PRKCA: variants seen among roughly 807,000 people sequenced by gnomAD.
The protein encoded by PRKCA is protein kinase C alpha type.
PRKCA carries 27 observed loss-of-function variants against 87.0 expected under a neutral mutation model. The observed-to-expected ratio is 0.31, with a 90% CI of 0.23 to 0.43. The LOEUF is 0.43. Among genes scored for constraint, PRKCA ranks in the 20% least tolerant of loss-of-function variants. The probability of loss-of-function intolerance (pLI) is 1.00; values close to 1 mark genes in which losing one functional copy is unlikely to be tolerated. For synonymous variants in PRKCA, 329 were observed against 311.1 expected, an observed-to-expected ratio of 1.06 and a Z score of -0.61; for missense variants, 518 against 852.3, an observed-to-expected ratio of 0.61 and a Z score of 4.88.
intron 3 of PRKCA, among the ~76,000 whole-genome samples, chr17:66,579,894 AC>A (rs758820812): frequency 2.0e-5 from 3 of 151,994 alleles, no homozygotes; most frequent in Admixed American, 6.6e-5. Flanking sequence ...CGGGGGTTGG[AC>A]TTCCCTCCTT....
intron 2 of PRKCA, among the ~76,000 whole-genome samples, chr17:66,377,717 A>T (rs1181851110): frequency 0.03 from 1,625 of 53,442 alleles, 93 homozygotes; most frequent in African/African-American, 0.091. Context: ...ATATATATAT[A>T]TATATTTTTT....
chr17:66,488,625 A>T (rs1451598119), intron 2 of PRKCA, among the ~76,000 whole-genome samples: 1 of 152,212 alleles, frequency 6.6e-6, no homozygotes, highest in Non-Finnish European at 1.5e-5. Flanking sequence ...TCTTTGTTGA[A>T]ATTAGAGAAA....
chr17:66,653,705 C>T (rs550034637), intron 5 of PRKCA, among the ~76,000 whole-genome samples: 2 of 151,700 alleles, frequency 1.3e-5, no homozygotes, highest in African/African-American at 4.8e-5. Flanking sequence ...CATCTCCCCT[C>T]CCCTTGGATA....
At chr17:66,524,769 T>C (rs1286613512) in intron 3 of PRKCA, among the ~76,000 whole-genome samples, 1 of 152,134 alleles carries the variant, frequency 6.6e-6, no homozygotes, top group Non-Finnish European at 1.5e-5. Flanking sequence ...TTGCCCCAGG[T>C]GAGGAGGAGT....
At chr17:66,666,382 T>C (rs1380365193) in intron 5 of PRKCA, among the ~76,000 whole-genome samples, 2 of 152,230 alleles carry the variant, frequency 1.3e-5, no homozygotes, top group Non-Finnish European at 2.9e-5. Flanking sequence ...ATGCCGCTCC[T>C]TGGACCTGTG....
intron 3 of PRKCA, among the ~76,000 whole-genome samples, chr17:66,505,277 G>A (rs1916924793): frequency 6.6e-6 from 1 of 152,202 alleles, no homozygotes; most frequent in Non-Finnish European, 1.5e-5. Context: ...AAAGGAGACA[G>A]TGGGGGAGTG....
chr17:66,368,892 G>C (rs1567793471), intron 2 of PRKCA, among the ~76,000 whole-genome samples: 1 of 152,166 alleles, frequency 6.6e-6, no homozygotes, highest in African/African-American at 2.4e-5. Flanking sequence ...TCCCTGGCCT[G>C]GCCCAAATTA....
At chr17:66,359,016 C>T (rs551367733) in intron 2 of PRKCA, among the ~76,000 whole-genome samples, 19 of 149,946 alleles carry the variant, frequency 1.3e-4, no homozygotes, top group African/African-American at 2.7e-4. Flanking sequence ...TGACTTTCGA[C>T]GTAGTCCTTG....
chr17:66,633,976 T>A (rs1173436509), intron 3 of PRKCA, among the ~76,000 whole-genome samples: 1 of 152,230 alleles, frequency 6.6e-6, no homozygotes, highest in East Asian at 1.9e-4. Context: ...GGAAATGTGA[T>A]GCCCGGTCAG....
chr17:66,365,150 A>G (rs1020745865), intron 2 of PRKCA, among the ~76,000 whole-genome samples: 1 of 152,202 alleles, frequency 6.6e-6, no homozygotes, highest in Non-Finnish European at 1.5e-5. Flanking sequence ...TCGCCTTTAT[A>G]AGTGGAGTTT....
intron 16 of PRKCA, among the ~76,000 whole-genome samples, chr17:66,789,285 A>G (rs566627627): frequency 4.3e-4 from 65 of 152,250 alleles, no homozygotes; most frequent in African/African-American, 1.5e-3. Context: ...TTAGGTCTGG[A>G]CTTTGTGGAC....
chr17:66,516,496 G>A (rs1966975539), intron 3 of PRKCA, among the ~76,000 whole-genome samples: 1 of 152,120 alleles, frequency 6.6e-6, no homozygotes, highest in African/African-American at 2.4e-5. Flanking sequence ...AGCCAGGCGT[G>A]ATGGTGGGTG....
At chr17:66,665,061 C>T (rs1009515267) in intron 5 of PRKCA, among the ~76,000 whole-genome samples, 1 of 152,122 alleles carries the variant, frequency 6.6e-6, no homozygotes, top group Non-Finnish European at 1.5e-5. Flanking sequence ...CTCATGGTGC[C>T]TGGGACCCAG....
At chr17:66,784,317 C>T (rs1410009679) in intron 14 of PRKCA, among the ~76,000 whole-genome samples, 2 of 152,188 alleles carry the variant, frequency 1.3e-5, no homozygotes, top group Non-Finnish European at 2.9e-5. Context: ...GCAATCTCAG[C>T]TCAGTGCAAC....
chr17:66,770,384 A>G (rs1974907173), intron 13 of PRKCA, among the ~76,000 whole-genome samples: 1 of 152,224 alleles, frequency 6.6e-6, no homozygotes, highest in Non-Finnish European at 1.5e-5. Context: ...CAATTTTTTA[A>G]TCTAGGCAAT....
At chr17:66,708,536 G>A (rs1000977030) in intron 8 of PRKCA, among the ~76,000 whole-genome samples, 1 of 152,170 alleles carries the variant, frequency 6.6e-6, no homozygotes, top group African/African-American at 2.4e-5. Flanking sequence ...CCCAGTGGCT[G>A]CCGGAAGGCT....
Position 66,783,696 on chromosome 17 carries a change from G to T in PRKCA, c.1606-3171G>T, listed in dbSNP as rs145417674. The stretch of plus-strand genomic sequence containing the variant: ...ATTGACCTAATCGTCTTCAAATGAG[G>T]AGAAGCTTCTCACTACCCTACTCAA... On this transcript the variant is annotated intron_variant, in intron 14 of 16. Transcript: ENST00000413366. Among the ~76,000 whole-genome samples the T allele has an allele frequency of 2.1e-3, 317 of 152,334 alleles. 1 individual carries two copies. Among genetic ancestry groups the T allele is most frequent in the African/African-American group, 7.4e-3 (307 of 41,578 alleles).
intron 2 of PRKCA, among the ~76,000 whole-genome samples, chr17:66,307,832 A>C (rs1904902083): frequency 6.6e-6 from 1 of 152,214 alleles, no homozygotes; most frequent in Non-Finnish European, 1.5e-5. Context: ...GTATAAAATA[A>C]AAAGTGAAAT....
chr17:66,691,684 A>G (rs1337364984), intron 8 of PRKCA, among the ~76,000 whole-genome samples: 3 of 152,148 alleles, frequency 2.0e-5, no homozygotes, highest in African/African-American at 7.2e-5. Context: ...CAGGCAGGGG[A>G]GGAACCTGAG....
Sources: allele counts gnomAD v4.1 joint callset (sites outside exome capture counted in the v4.1 genomes callset), GRCh38; gene constraint gnomAD v4.1.1; transcripts MANE v1.5; gene names NCBI Gene and HGNC (gene_info 2026-07-23, HGNC 2026-07-21).